Variants in KIF27 observed in about 807,000 individuals in gnomAD.
KIF27 encodes kinesin family member 27.
In KIF27, 84 loss-of-function variants were observed where a neutral mutation model predicts 141.8. That is an observed-to-expected ratio of 0.59 (90% CI 0.50 to 0.71). KIF27 has a LOEUF of 0.71. Among genes scored for constraint, KIF27 ranks in the 30% least tolerant of loss-of-function variants. The pLI is 0.00. For synonymous variants in KIF27, 471 were observed against 569.5 expected (o/e 0.83, Z 2.46); for missense variants, 1,306 against 1,628.4 (o/e 0.80, Z 3.41).
At chr9:83,905,561 A>G (rs1394335028) in intron 3 of KIF27, among the ~76,000 whole-genome samples, 3 of 152,234 alleles carry the variant, frequency 2.0e-5, no homozygotes, top group Non-Finnish European at 4.4e-5. Flanking sequence ...TTAAAAAATA[A>G]TCATTTCAGT....
At chr9:83,887,281 A>G (rs999661374) in intron 8 of KIF27, 85 bp from the exon 9 acceptor site, 32 of 944,818 alleles carry the variant, frequency 3.4e-5, no homozygotes, top group Non-Finnish European at 4.3e-5. Flanking sequence ...GCAGACTCAA[A>G]AGCAATTTAG....
rs755700582 is a variant in KIF27, at chr9:83,880,493, A to C, written c.2447T>G (p.Val816Gly). ...KMDAAKLRVQVLQKKQQDSKK... is the reference protein window; with the variant it reads ...KMDAAKLRVQGLQKKQQDSKK... Reference sequence around the variant, plus strand: ...ACTATCTTGTTGCTTCTTCTGCAAGACCTGAGATCATATGGAATATTTCAA... The same window carrying C: ...ACTATCTTGTTGCTTCTTCTGCAAGCCCTGAGATCATATGGAATATTTCAA... Residue 816 changes from valine (V) to glycine (G), a missense_variant and splice_region_variant, in exon 11 of 18, where the codon GTC (valine) becomes GGC (glycine). Coordinates refer to ENST00000297814, the MANE Select transcript of KIF27 (RefSeq NM_017576.4). The C allele has an allele frequency of 6.8e-6, 11 of 1,606,148 alleles. No individual in the cohort carries two copies. The highest frequency in any genetic ancestry group is 9.3e-6 in the Non-Finnish European group (11 of 1,177,438).
Position 83,878,138 on chromosome 9 carries a change from T to C in KIF27, c.2643+2159A>G, listed in dbSNP as rs375069876. Among the ~76,000 whole-genome samples, 10 of 117,202 alleles carry C rather than the reference T, an allele frequency of 8.5e-5. No individual in the cohort carries two copies. The South Asian group carries it at 2.5e-3, about 30-fold the overall frequency. 76.9% of individuals were successfully genotyped at this position (117,202 alleles called of 152,430 possible). A position where few individuals can be genotyped will look rare whatever the true frequency, so the allele number is the denominator to read the frequency against. ...GAGATCACGCCACTGCACTCCAGCC[T>C]GGGCAACAGAGAGACTCTGTCTCAA... is the stretch of plus-strand genomic sequence containing the variant. On this transcript the variant is annotated intron_variant, in intron 11 of 17. Coordinates refer to ENST00000297814, the MANE Select transcript of KIF27 (RefSeq NM_017576.4).
At chr9:83,887,875 T>C (rs1341753115) in intron 8 of KIF27, among the ~76,000 whole-genome samples, 2 of 152,104 alleles carry the variant, frequency 1.3e-5, no homozygotes, top group Non-Finnish European at 2.9e-5. Context: ...AAGCCACGTA[T>C]AGGTTCTTAA....
chr9:83,908,782 C>T (rs545769563), intron 2 of KIF27, 130 bp from the exon 3 acceptor site: 310 of 453,190 alleles, frequency 6.8e-4, no homozygotes, highest in Non-Finnish European at 8.5e-4. Context: ...GGCGGGGGGA[C>T]GGAGTCTTGC....
intron 13 of KIF27, among the ~76,000 whole-genome samples, chr9:83,862,161 CAGA>C (rs1235613962): frequency 6.6e-6 from 1 of 152,034 alleles, no homozygotes; most frequent in East Asian, 1.9e-4. Flanking sequence ...TTTTGCTGTG[CAGA>C]AGCTCTTTAG....
chr9:83,849,345 G>T (rs1948262375), intron 16 of KIF27: 1 of 152,178 alleles, frequency 6.6e-6, no homozygotes, highest in Non-Finnish European at 1.5e-5. Context: ...CAAATTCACA[G>T]ATTTTTCCAA....
At position 83,903,897 on chromosome 9, in the gene KIF27, T is replaced by C; in HGVS notation, c.621A>G (p.Ser207=). The C allele has an allele frequency of 6.2e-7, 1 of 1,614,230 alleles. No individual in the cohort carries two copies. Residue 207 remains serine (S), a synonymous_variant, in exon 4 of 18, where the codon TCA becomes TCG. Transcript: ENST00000297814. ...AAATGCTGATTGTAAAAATTGCATGTGATCTGCTGGAGTGCTCATTCATTT... is the reference window on the plus strand; with the variant it reads ...AAATGCTGATTGTAAAAATTGCATGCGATCTGCTGGAGTGCTCATTCATTT... ...TTQMNEHSSR[S]HAIFTISICQ...
Position 83,903,442 on chromosome 9 carries a change from A to G in KIF27, c.1076T>C (p.Met359Thr). The G allele has an allele frequency of 1.2e-6, 2 of 1,614,098 alleles. No individual in the cohort carries two copies. The highest frequency in any genetic ancestry group is 1.7e-6 in the Non-Finnish European group (2 of 1,180,038). ...FSPESDRIDE[M>T]EFEIKLLREA... is the part of the protein sequence containing the mutation. ...TCGAAGCAATTTAATCTCAAATTCC[A>G]TTTCATCTATACGGTCTGACTCGGG... Residue 359 changes from methionine to threonine, a missense_variant, in exon 4 of 18, where the codon ATG (methionine) becomes ACG (threonine). Physicochemically the swap from Met to Thr is moderately conservative, Grantham distance 81. This residue lies in a region of KIF27 where 533 missense variants were observed against 565.6 expected (regional missense o/e 0.94). Coordinates refer to ENST00000297814, the MANE Select transcript of KIF27 (RefSeq NM_017576.4).
intron 13 of KIF27, among the ~76,000 whole-genome samples, chr9:83,861,608 T>C (rs1262461627): frequency 6.6e-6 from 1 of 152,132 alleles, no homozygotes; most frequent in Non-Finnish European, 1.5e-5. Flanking sequence ...GTTCCAAGTC[T>C]TGCTATTGTG....
chr9:83,864,125 C>T (rs562580001), intron 13 of KIF27, among the ~76,000 whole-genome samples: 10 of 152,302 alleles, frequency 6.6e-5, no homozygotes, highest in African/African-American at 2.4e-4. Context: ...AAAAAACCAG[C>T]TCCTTGATTC....
At chr9:83,871,973 A>G (rs896820701) in intron 11 of KIF27, among the ~76,000 whole-genome samples, 3 of 150,562 alleles carry the variant, frequency 2.0e-5, no homozygotes, top group Non-Finnish European at 4.4e-5. Flanking sequence ...AAGTGCTGGA[A>G]TTACAAGCAT....
intron 16 of KIF27, among the ~76,000 whole-genome samples, chr9:83,847,009 C>T (rs545070205): frequency 4.6e-5 from 7 of 152,226 alleles, no homozygotes; most frequent in Non-Finnish European, 1.0e-4. Flanking sequence ...ATTAGGGCGT[C>T]GCTTAGTATT....
chr9:83,908,397 C>G, intron 3 of KIF27, 55 bp downstream of exon 3: 1 of 992,310 alleles, frequency 1.0e-6, no homozygotes, highest in African/African-American at 1.6e-5. Flanking sequence ...TTAATTAAAG[C>G]ATTAAAGCAT....
chr9:83,862,167 C>T (rs1949984584), intron 13 of KIF27, among the ~76,000 whole-genome samples: 1 of 152,044 alleles, frequency 6.6e-6, no homozygotes, highest in African/African-American at 2.4e-5. Flanking sequence ...TGTGCAGAAG[C>T]TCTTTAGTTT....
At chr9:83,861,466 G>T (rs375424534) in intron 13 of KIF27, among the ~76,000 whole-genome samples, 1 of 152,042 alleles carries the variant, frequency 6.6e-6, no homozygotes, top group African/African-American at 2.4e-5. Flanking sequence ...TGCTGAGAAT[G>T]ATGGTTTCCA....
At chr9:83,888,621 T>C (rs762197926) in intron 7 of KIF27, 29 bp from the exon 8 acceptor site, 3 of 1,335,236 alleles carry the variant, frequency 2.2e-6, no homozygotes, top group Non-Finnish European at 3.1e-6. Flanking sequence ...AGTTAACTTA[T>C]TTGTTCGTGT....
intron 10 of KIF27, among the ~76,000 whole-genome samples, chr9:83,881,278 C>T (rs931566656): frequency 2.6e-5 from 4 of 152,102 alleles, no homozygotes; most frequent in African/African-American, 9.7e-5. Context: ...CCTGACCAAA[C>T]AAACATGTAT....
chr9:83,904,528 C>T (rs1954291460), intron 3 of KIF27, among the ~76,000 whole-genome samples: 1 of 152,152 alleles, frequency 6.6e-6, no homozygotes, highest in Admixed American at 6.5e-5. Flanking sequence ...GCTACCACAC[C>T]TGGCTAATTT....
Sources: allele counts gnomAD v4.1 joint callset (sites outside exome capture counted in the v4.1 genomes callset), GRCh38; gene constraint gnomAD v4.1.1; regional missense constraint gnomAD v4.1.1; transcripts MANE v1.5; gene names NCBI Gene and HGNC (gene_info 2026-07-23, HGNC 2026-07-21).